The following GPC5 variants were observed in gnomAD, a reference collection of about 807,000 sequenced individuals.
The protein encoded by GPC5 is glypican 5, also known as glypican-5.
GPC5 carries 47 observed loss-of-function variants against 53.9 expected under a neutral mutation model. The ratio of observed to expected loss-of-function variants is 0.87; its 90% CI spans 0.69 to 1.11. GPC5 has a LOEUF of 1.11. GPC5 is among the 50% of genes most tolerant of loss of function. The probability of loss-of-function intolerance (pLI) is 0.00; values close to 1 mark genes in which losing one functional copy is unlikely to be tolerated. For missense variants in GPC5, 748 were observed against 713.1 expected, an observed-to-expected ratio of 1.05 and a Z score of -0.56; for synonymous variants, 286 against 263.3, an observed-to-expected ratio of 1.09 and a Z score of -0.84.
At chr13:91,467,816 A>G (rs1390063828) in intron 2 of GPC5, among the ~76,000 whole-genome samples, 1 of 152,124 alleles carries the variant, frequency 6.6e-6, no homozygotes, top group Non-Finnish European at 1.5e-5. Flanking sequence ...TCCTTTGATT[A>G]TAGCTTCACT....
At chr13:92,072,557 C>T (rs1016199590) in intron 6 of GPC5, among the ~76,000 whole-genome samples, 10 of 137,144 alleles carry the variant, frequency 7.3e-5, no homozygotes, top group African/African-American at 2.7e-4. Context: ...AGCCACTGTG[C>T]CTGGCCACTA....
chr13:92,198,651 G>T (rs2042273571), intron 7 of GPC5, among the ~76,000 whole-genome samples: 1 of 152,192 alleles, frequency 6.6e-6, no homozygotes, highest in Non-Finnish European at 1.5e-5. Context: ...ATCACCAGCT[G>T]TCTAGCCTTT....
chr13:91,969,809 A>T (rs573961041), intron 6 of GPC5, among the ~76,000 whole-genome samples: 1 of 152,320 alleles, frequency 6.6e-6, no homozygotes, highest in South Asian at 2.1e-4. Flanking sequence ...CAAAACCACA[A>T]TTATATATCG....
At chr13:92,794,878 T>TA (rs1353285935) in intron 7 of GPC5, among the ~76,000 whole-genome samples, 5 of 151,822 alleles carry the variant, frequency 3.3e-5, no homozygotes, top group African/African-American at 1.2e-4. Context: ...CTCAATGAAA[T>TA]AAAAAAGGAC....
chr13:92,142,796 G>A (rs548471100), intron 6 of GPC5, among the ~76,000 whole-genome samples: 4 of 152,240 alleles, frequency 2.6e-5, no homozygotes, highest in African/African-American at 7.2e-5. Flanking sequence ...GGGAAGTAAA[G>A]GGAAAATAAA....
At chr13:92,577,488 T>C (rs1410891958) in intron 7 of GPC5, among the ~76,000 whole-genome samples, 1 of 151,648 alleles carries the variant, frequency 6.6e-6, no homozygotes, top group Non-Finnish European at 1.5e-5. Context: ...TAGCCTTGTT[T>C]TGCAGATACA....
rs59026485 is a variant in GPC5, at chr13:91,496,030, AT to A, written c.325+47109del. On this transcript the variant is annotated intron_variant, in intron 2 of 7. Coordinates refer to ENST00000377067, the MANE Select transcript of GPC5 (RefSeq NM_004466.6). ...AGAGAGAGACTCTGTCTCAAAAAAA[AT>A]AAAAAATAAAAAATAAATAAAAAAT... Among the ~76,000 whole-genome samples the A allele has an allele frequency of 2.4e-3, 339 of 142,916 alleles. 1 individual carries two copies. Among genetic ancestry groups the A allele is most frequent in the African/African-American group, 8.0e-3 (300 of 37,342 alleles). The allele number at this position is 142,916 out of a possible 152,430, so 93.8% of individuals were successfully genotyped here. A position where few individuals can be genotyped will look rare whatever the true frequency, so the allele number is the denominator to read the frequency against.
At chr13:92,029,199 G>GAAAA in intron 6 of GPC5, among the ~76,000 whole-genome samples, 1 of 152,174 alleles carries the variant, frequency 6.6e-6, no homozygotes, top group South Asian at 2.1e-4. Context: ...TTGTGAGGAA[G>GAAAA]AAAAAAGAAG....
chr13:91,437,883 T>C (rs1182084599), intron 1 of GPC5, among the ~76,000 whole-genome samples: 1 of 152,178 alleles, frequency 6.6e-6, no homozygotes, highest in East Asian at 1.9e-4. Context: ...TCTCTAAACT[T>C]CCCTTCCCTT....
intron 7 of GPC5, among the ~76,000 whole-genome samples, chr13:92,230,247 T>G (rs2042520081): frequency 6.6e-6 from 1 of 152,122 alleles, no homozygotes; most frequent in African/African-American, 2.4e-5. Context: ...TAAATTGACT[T>G]TTTACAATAA....
At chr13:92,040,024 A>G (rs1179597804) in intron 6 of GPC5, among the ~76,000 whole-genome samples, 1 of 152,216 alleles carries the variant, frequency 6.6e-6, no homozygotes, top group Non-Finnish European at 1.5e-5. Context: ...TTGAAACAGA[A>G]CATGGAAAAC....
chr13:91,816,010 TTCCCTGGG>T (rs2038393531), intron 5 of GPC5, among the ~76,000 whole-genome samples: 1 of 152,080 alleles, frequency 6.6e-6, no homozygotes, highest in Non-Finnish European at 1.5e-5. Flanking sequence ...TATTGTTCCA[TTCCCTGGG>T]AAGCTTACCT....
At chr13:91,747,322 A>G (rs2037071102) in intron 4 of GPC5, among the ~76,000 whole-genome samples, 1 of 151,998 alleles carries the variant, frequency 6.6e-6, no homozygotes, top group African/African-American at 2.4e-5. Context: ...ATGTATCAGG[A>G]GACCTTTCTG....
At chr13:92,802,351 A>G (rs1876936767) in intron 7 of GPC5, among the ~76,000 whole-genome samples, 1 of 151,840 alleles carries the variant, frequency 6.6e-6, no homozygotes, top group Non-Finnish European at 1.5e-5. Flanking sequence ...TATTTCTCAG[A>G]ACCTATTCCC....
At chr13:92,426,276 A>C (rs1876830433) in intron 7 of GPC5, among the ~76,000 whole-genome samples, 1 of 152,054 alleles carries the variant, frequency 6.6e-6, no homozygotes, top group Non-Finnish European at 1.5e-5. Context: ...ACCCATGGTG[A>C]ATACCCCTGT....
At chr13:91,880,435 A>G (rs1361253708) in intron 5 of GPC5, among the ~76,000 whole-genome samples, 1 of 152,010 alleles carries the variant, frequency 6.6e-6, no homozygotes, top group Non-Finnish European at 1.5e-5. Flanking sequence ...TTGCCTTTTA[A>G]CTTAATATGT....
chr13:92,295,876 C>T lies in GPC5; in HGVS notation c.1561+150887C>T, dbSNP rs113603302. ...TTATGCGTTAGGTAAGTCTCTTGAA[C>T]GCAGCAGATGGCTGGTGAATTCTTA... On this transcript the variant is annotated intron_variant, in intron 7 of 7. Transcript: ENST00000377067. Among the ~76,000 whole-genome samples, 1,325 of 152,202 alleles carry T rather than the reference C, an allele frequency of 8.7e-3. 12 individuals carry two copies. Among genetic ancestry groups the T allele is most frequent in the African/African-American group, 0.029 (1,210 of 41,504 alleles).
chr13:92,155,042 T>C (rs1206379219), intron 7 of GPC5, among the ~76,000 whole-genome samples: 1 of 152,202 alleles, frequency 6.6e-6, no homozygotes, highest in Admixed American at 6.5e-5. Flanking sequence ...TCACATATCA[T>C]ATCTGCCACT....
chr13:91,548,169 C>T (rs1351348255), intron 2 of GPC5, among the ~76,000 whole-genome samples: 1 of 152,062 alleles, frequency 6.6e-6, no homozygotes, highest in African/African-American at 2.4e-5. Context: ...GAAGAAATAC[C>T]ACTGTTTTTG....
Sources: gnomAD v4.1 joint callset for allele counts (sites outside exome capture counted in the v4.1 genomes callset) on GRCh38, gnomAD v4.1.1 for gene constraint, MANE v1.5 for transcripts, NCBI Gene and HGNC (gene_info 2026-07-23, HGNC 2026-07-21) for gene names.